The following CERS3 variants were observed in gnomAD, a reference collection of about 807,000 sequenced individuals.
The protein encoded by CERS3 is ceramide synthase 3.
CERS3 carries 33 observed loss-of-function variants against 50.3 expected under a neutral mutation model. The observed-to-expected ratio is 0.66, with a 90% CI of 0.50 to 0.88. The LOEUF (loss-of-function observed/expected upper bound fraction) is 0.88. CERS3 is among the 40% of genes least tolerant of loss of function. The pLI, the probability that CERS3 is intolerant of heterozygous loss-of-function variation, is 0.00. For missense variants in CERS3, 470 were observed against 460.3 expected (o/e 1.02, Z -0.19); for synonymous variants, 176 against 155.2 (o/e 1.13, Z -0.99).
rs531514766 is a variant in CERS3, at chr15:100,409,105, T to G, written c.1000-6240A>C. On this transcript the variant is annotated intron_variant, in intron 11 of 11. Coordinates refer to ENST00000679737, the MANE Select transcript of CERS3 (RefSeq NM_001378789.1). ...ACTGGCAACCCAGGTCTATATGAGG[T>G]TGGCTCTTCGTATAAGAAAGTGCCT... Among the ~76,000 whole-genome samples the G allele has an allele frequency of 2.0e-5, 3 of 152,252 alleles. No individual in the cohort carries two copies. The South Asian group carries it at 6.2e-4, about 32-fold the overall frequency.
At chr15:100,503,017 G>C (rs1290203389) in intron 2 of CERS3, among the ~76,000 whole-genome samples, 1 of 152,236 alleles carries the variant, frequency 6.6e-6, no homozygotes, top group Admixed American at 6.5e-5. Context: ...CAAGTAACCA[G>C]AGCATAGAAT....
intron 10 of CERS3, among the ~76,000 whole-genome samples, chr15:100,467,966 C>A (rs1239754555): frequency 6.6e-6 from 1 of 151,380 alleles, no homozygotes; most frequent in Non-Finnish European, 1.5e-5. Context: ...AAGTGACCCC[C>A]CCGCCAACCT....
At chr15:100,466,067 A>G (rs1018311771) in intron 10 of CERS3, among the ~76,000 whole-genome samples, 1 of 152,222 alleles carries the variant, frequency 6.6e-6, no homozygotes, top group African/African-American at 2.4e-5. Flanking sequence ...TGGGCAAGTG[A>G]ATTCAGTATA....
intron 11 of CERS3, among the ~76,000 whole-genome samples, chr15:100,441,498 C>A (rs1454220993): frequency 6.6e-6 from 1 of 151,894 alleles, no homozygotes; most frequent in African/African-American, 2.4e-5. Flanking sequence ...GTGTCTCTAC[C>A]CTTCTCTTTA....
chr15:100,477,366 TAAGGC>T (rs2035163139), intron 7 of CERS3, among the ~76,000 whole-genome samples: 1 of 152,108 alleles, frequency 6.6e-6, no homozygotes. Context: ...TCATCCTTGA[TAAGGC>T]CATAAAAGAG....
At chr15:100,467,278 C>G (rs185912657) in intron 10 of CERS3, among the ~76,000 whole-genome samples, 1 of 142,680 alleles carries the variant, frequency 7.0e-6, no homozygotes, top group Admixed American at 7.4e-5. Context: ...CAAGGCCAAT[C>G]GACTCCTAGA....
At chr15:100,450,240 G>A (rs2034105468) in intron 11 of CERS3, among the ~76,000 whole-genome samples, 1 of 151,908 alleles carries the variant, frequency 6.6e-6, no homozygotes, top group Non-Finnish European at 1.5e-5. Context: ...CCAACATGGT[G>A]AAACCCCTTC....
rs76863389 is a variant in CERS3, at chr15:100,469,338, C to T, written c.845+40G>A. ...TAACCATGCACTGAGGCCACCTCTG[C>T]ACACTGACCAAAGGCAGGGCACATC... On this transcript the variant is annotated intron_variant, in intron 10 of 11. Transcript: ENST00000679737. 1.1e-5 allele frequency: 17 copies of T among 1,521,970 alleles called. No individual in the cohort carries two copies. The East Asian group carries it at 1.8e-4, about 16-fold the overall frequency. 94.3% of individuals were successfully genotyped at this position (1,521,970 alleles called of 1,614,324 possible).
At chr15:100,543,948 A>G (rs1271414848) in intron 1 of CERS3, among the ~76,000 whole-genome samples, 1 of 152,214 alleles carries the variant, frequency 6.6e-6, no homozygotes, top group Non-Finnish European at 1.5e-5. Flanking sequence ...TAGTCATGAT[A>G]CAGGGCTAAT....
chr15:100,526,946 C>T (rs1009159609), intron 1 of CERS3, among the ~76,000 whole-genome samples: 2 of 152,208 alleles, frequency 1.3e-5, no homozygotes, highest in Non-Finnish European at 2.9e-5. Context: ...TAAACAACCT[C>T]GTTTGATGGA....
At chr15:100,476,506 C>T (rs569534361) in intron 7 of CERS3, among the ~76,000 whole-genome samples, 1 of 152,038 alleles carries the variant, frequency 6.6e-6, no homozygotes, top group African/African-American at 2.4e-5. Context: ...TACTTAGGAA[C>T]AATGGGAAGT....
In CERS3 at chr15:100,455,891, A is replaced by C. The variant is rs750572053; in HGVS notation, c.999+2T>G. On this transcript the variant is annotated splice_donor_variant, in intron 11 of 11. Transcript: ENST00000679737. LOFTEE classifies it high-confidence loss of function. ...GAGCAATAATATTTGGACAGCCCTT[A>C]CCTTCATGAATATACATCTGTTGAG... 1 of 1,605,340 alleles carries C rather than the reference A, an allele frequency of 6.2e-7. No individual in the cohort carries two copies. The highest frequency in any genetic ancestry group is 8.5e-7 in the Non-Finnish European group (1 of 1,175,784).
chr15:100,487,390 C>T lies in CERS3; in HGVS notation c.289-2722G>A, dbSNP rs74041465. ...TAACTCAATTTGATCCTCACAAGAG[C>T]CCTATGAGATAAGCAATATAATTAT... On this transcript the variant is annotated intron_variant, in intron 4 of 11. Coordinates refer to ENST00000679737, the MANE Select transcript of CERS3 (RefSeq NM_001378789.1). 6.2e-3 allele frequency among the ~76,000 whole-genome samples: 945 copies of T among 152,268 alleles called. 10 individuals are homozygous for T. Among genetic ancestry groups the T allele is most frequent in the African/African-American group, 0.022 (902 of 41,544 alleles).
intron 11 of CERS3, among the ~76,000 whole-genome samples, chr15:100,427,723 CA>C (rs2142109059): frequency 6.6e-6 from 1 of 152,328 alleles, no homozygotes; most frequent in South Asian, 2.1e-4. Context: ...TGAAATTTTT[CA>C]ATAGGTAGAA....
At chr15:100,530,590 C>T (rs1455907638), upstream of CERS3, among the ~76,000 whole-genome samples, 1 of 152,240 alleles carries the variant, frequency 6.6e-6, no homozygotes, top group Non-Finnish European at 1.5e-5. Flanking sequence ...TGCTTCCCCA[C>T]TACTTTGGGA....
At chr15:100,495,014 G>T (rs2654626) in intron 3 of CERS3, among the ~76,000 whole-genome samples, 135,605 of 152,262 alleles carry the variant, frequency 0.89, 60,777 homozygotes, top group East Asian at 0.96. Context: ...AGTTAATCAA[G>T]TGCCTCTAAT....
chr15:100,407,308 T>A (rs7164714), intron 11 of CERS3, among the ~76,000 whole-genome samples: 1 of 152,006 alleles, frequency 6.6e-6, no homozygotes, highest in Non-Finnish European at 1.5e-5. Context: ...ACCCTCCAGC[T>A]GTTTGCCTTT....
chr15:100,429,219 AC>A (rs900625806), intron 11 of CERS3, among the ~76,000 whole-genome samples: 4 of 152,196 alleles, frequency 2.6e-5, no homozygotes, highest in Admixed American at 6.5e-5. Context: ...GAGCTTCTGC[AC>A]CGGGGGAGCT....
At chr15:100,420,800 T>A (rs2032367563) in intron 11 of CERS3, among the ~76,000 whole-genome samples, 1 of 152,030 alleles carries the variant, frequency 6.6e-6, no homozygotes, top group Non-Finnish European at 1.5e-5. Context: ...ATAAATGTAA[T>A]CCAGCATATA....
Sources: gnomAD v4.1 joint callset for allele counts (sites outside exome capture counted in the v4.1 genomes callset) on GRCh38, gnomAD v4.1.1 for gene constraint, MANE v1.5 for transcripts, NCBI Gene and HGNC (gene_info 2026-07-23, HGNC 2026-07-21) for gene names.